AUTS2: variants seen among roughly 807,000 people sequenced by gnomAD.
The protein encoded by AUTS2 is activator of transcription and developmental regulator AUTS2, also known as autism susceptibility gene 2 protein.
AUTS2 carries 17 observed loss-of-function variants against 112.4 expected under a neutral mutation model. The observed-to-expected ratio is 0.15, with a 90% confidence interval of 0.10 to 0.23. The LOEUF (loss-of-function observed/expected upper bound fraction) is 0.23, where lower values mean the gene tolerates loss of function less well. AUTS2 is among the 10% of genes least tolerant of loss of function. AUTS2 has a pLI of 1.00. For synonymous variants in AUTS2, 751 were observed against 702.7 expected (o/e 1.07, Z -1.09); for missense variants, 1,510 against 1,701.6 (o/e 0.89, Z 1.98).
chr7:70,752,165 G>T (rs1403294897), intron 6 of AUTS2, among the ~76,000 whole-genome samples: 7 of 152,064 alleles, frequency 4.6e-5, no homozygotes, highest in African/African-American at 9.7e-5. Context: ...TCTGGGGGTA[G>T]CAGGAAGGCT....
chr7:69,963,336 T>G (rs978319475), intron 2 of AUTS2, among the ~76,000 whole-genome samples: 3 of 152,100 alleles, frequency 2.0e-5, no homozygotes, highest in Admixed American at 1.3e-4. Context: ...TTGGAGGAGG[T>G]GACCATCTTG....
intron 2 of AUTS2, among the ~76,000 whole-genome samples, chr7:69,923,483 A>C (rs935931402): frequency 1.3e-5 from 2 of 152,178 alleles, no homozygotes; most frequent in African/African-American, 4.8e-5. Flanking sequence ...TCAGCTTGTC[A>C]GGTTCTATAA....
chr7:70,577,831 AT>A (rs34014636), intron 5 of AUTS2, among the ~76,000 whole-genome samples: 10 of 147,148 alleles, frequency 6.8e-5, no homozygotes, highest in East Asian at 4.0e-4. Flanking sequence ...TTTTTTCTTT[AT>A]TTTTTTTTTA....
At chr7:69,856,675 G>C (rs183692255) in intron 1 of AUTS2, among the ~76,000 whole-genome samples, 253 of 152,206 alleles carry the variant, frequency 1.7e-3, no homozygotes, top group African/African-American at 5.9e-3. Context: ...TTGTGCAGTG[G>C]GTCTCCTCAC....
At chr7:70,107,506 G>C (rs1195284886) in intron 2 of AUTS2, among the ~76,000 whole-genome samples, 1 of 150,290 alleles carries the variant, frequency 6.7e-6, no homozygotes, top group Non-Finnish European at 1.5e-5. Context: ...ACCATGCCCA[G>C]CTAATTTTTG....
At chr7:70,232,228 A>G (rs1395595942) in intron 4 of AUTS2, among the ~76,000 whole-genome samples, 1 of 152,170 alleles carries the variant, frequency 6.6e-6, no homozygotes, top group Non-Finnish European at 1.5e-5. Flanking sequence ...GTTGTATAAT[A>G]CTTTATTAAT....
At chr7:70,668,583 C>G (rs1478249706) in intron 5 of AUTS2, among the ~76,000 whole-genome samples, 1 of 152,222 alleles carries the variant, frequency 6.6e-6, no homozygotes, top group African/African-American at 2.4e-5. Flanking sequence ...ACACCTTTCC[C>G]TGATGTTATC....
intron 1 of AUTS2, among the ~76,000 whole-genome samples, chr7:69,675,759 G>A (rs986028204): frequency 2.2e-4 from 33 of 151,818 alleles, no homozygotes; most frequent in African/African-American, 7.7e-4. Flanking sequence ...CTCCTGTCTT[G>A]GCCTCCCACA....
intron 4 of AUTS2, among the ~76,000 whole-genome samples, chr7:70,216,064 A>G (rs1811150196): frequency 6.6e-6 from 1 of 152,322 alleles, no homozygotes; most frequent in Non-Finnish European, 1.5e-5. Context: ...TAGCACTTCT[A>G]TCCTTGAATG....
At chr7:69,865,194 A>G (rs895926626) in intron 1 of AUTS2, among the ~76,000 whole-genome samples, 8 of 152,116 alleles carry the variant, frequency 5.3e-5, no homozygotes, top group African/African-American at 9.6e-5. Context: ...GCGACTAAGA[A>G]GGCAGCAAGT....
At chr7:70,150,968 GA>G (rs1807402240) in intron 4 of AUTS2, among the ~76,000 whole-genome samples, 1 of 152,178 alleles carries the variant, frequency 6.6e-6, no homozygotes, top group Admixed American at 6.5e-5. Context: ...AGTGATCCCT[GA>G]AAGAAAGTAA....
At chr7:70,170,203 A>G (rs1157279378) in intron 4 of AUTS2, among the ~76,000 whole-genome samples, 1 of 141,094 alleles carries the variant, frequency 7.1e-6, no homozygotes, top group Admixed American at 7.5e-5. Flanking sequence ...TTCTTCGCCC[A>G]GGCTGGAGTG....
At chr7:69,601,058 C>T (rs1187392835) in intron 1 of AUTS2, among the ~76,000 whole-genome samples, 1 of 151,994 alleles carries the variant, frequency 6.6e-6, no homozygotes, top group Non-Finnish European at 1.5e-5. Context: ...GGACCTGTCT[C>T]CTTTGGTGTG....
chr7:69,886,491 T>A (rs1299557032), intron 1 of AUTS2, among the ~76,000 whole-genome samples: 1 of 152,196 alleles, frequency 6.6e-6, no homozygotes, highest in East Asian at 1.9e-4. Context: ...CAGAGCCACA[T>A]AACACAAATT....
chr7:70,312,673 G>A (rs1196367857), intron 4 of AUTS2, among the ~76,000 whole-genome samples: 4 of 152,180 alleles, frequency 2.6e-5, no homozygotes, highest in Non-Finnish European at 1.5e-5. Flanking sequence ...CCCACACCAG[G>A]ACCAGTACAT....
chr7:69,705,539 A>G (rs1432508170), intron 1 of AUTS2, among the ~76,000 whole-genome samples: 1 of 152,246 alleles, frequency 6.6e-6, no homozygotes, highest in African/African-American at 2.4e-5. Flanking sequence ...TATTTCAGCT[A>G]TATCAAATAG....
At chr7:70,143,006 C>T (rs1806943777) in intron 4 of AUTS2, among the ~76,000 whole-genome samples, 1 of 152,178 alleles carries the variant, frequency 6.6e-6, no homozygotes, top group Non-Finnish European at 1.5e-5. Flanking sequence ...CAGAATCTTT[C>T]AGATCAGAGA....
At chr7:69,667,874 A>G (rs1224441241) in intron 1 of AUTS2, among the ~76,000 whole-genome samples, 1 of 151,892 alleles carries the variant, frequency 6.6e-6, no homozygotes, top group Non-Finnish European at 1.5e-5. Context: ...TTCCACCTCT[A>G]CCTCTCCATA....
intron 1 of AUTS2, among the ~76,000 whole-genome samples, chr7:69,850,399 A>C (rs13239580): frequency 4.4e-5 from 1 of 22,954 alleles, no homozygotes; most frequent in Non-Finnish European, 8.4e-5. Context: ...ACTCTGTCTC[A>C]AAAAAAAAAA....
Sources: gnomAD v4.1 joint callset for allele counts (sites outside exome capture counted in the v4.1 genomes callset) on GRCh38, gnomAD v4.1.1 for gene constraint, MANE v1.5 for transcripts, NCBI Gene and HGNC (gene_info 2026-07-23, HGNC 2026-07-21) for gene names.